WDFY3: variants seen among roughly 807,000 people sequenced by gnomAD.
WDFY3 encodes the protein WD repeat and FYVE domain-containing protein 3.
In WDFY3, 66 loss-of-function variants were observed where a neutral mutation model predicts 409.6. The observed-to-expected ratio is 0.16, with a 90% confidence interval of 0.13 to 0.20. The LOEUF (loss-of-function observed/expected upper bound fraction) is 0.20. Among genes scored for constraint, WDFY3 ranks in the 10% least tolerant of loss-of-function variants. WDFY3 has a pLI of 1.00. For missense variants in WDFY3, 3,031 were observed against 4,298.1 expected, an observed-to-expected ratio of 0.71 and a Z score of 8.24; for synonymous variants, 1,521 against 1,537.1, an observed-to-expected ratio of 0.99 and a Z score of 0.25.
In WDFY3 at chr4:84,676,059, A is replaced by G. The variant is rs115877850; in HGVS notation, c.10457+1140T>C. Among the ~76,000 whole-genome samples, 351 of 152,326 alleles carry G rather than the reference A, an allele frequency of 2.3e-3. 1 individual carries two copies. Among genetic ancestry groups the G allele is most frequent in the African/African-American group, 8.3e-3 (345 of 41,586 alleles). On this transcript the variant is annotated intron_variant, in intron 67 of 67. Coordinates refer to ENST00000295888, the MANE Select transcript of WDFY3 (RefSeq NM_014991.6). The stretch of plus-strand genomic sequence containing the variant: ...CTTAAGGCACAAAAAAGCAAAAATC[A>G]TAGAGTAATACATGTGACTACAACC...
intron 64 of WDFY3, among the ~76,000 whole-genome samples, 182 bp downstream of exon 64, chr4:84,682,192 C>T (rs1202137482): frequency 6.6e-6 from 1 of 152,130 alleles, no homozygotes; most frequent in Non-Finnish European, 1.5e-5. Flanking sequence ...GAATGTTGCC[C>T]AGTGAAGTAG....
At chr4:84,918,735 AAAAT>A (rs2150827679) in intron 2 of WDFY3, among the ~76,000 whole-genome samples, 1 of 151,994 alleles carries the variant, frequency 6.6e-6, no homozygotes, top group Non-Finnish European at 1.5e-5. Flanking sequence ...TTTGAAAAAA[AAAAT>A]ACCCATATTC....
intron 1 of WDFY3, among the ~76,000 whole-genome samples, chr4:84,938,627 A>C (rs1771730360): frequency 6.6e-6 from 1 of 152,210 alleles, no homozygotes; most frequent in South Asian, 2.1e-4. Context: ...AAGTCTAAAA[A>C]TAAAGGGCAG....
chr4:84,780,073 A>G, intron 26 of WDFY3, 35 bp downstream of exon 26: 1 of 1,521,468 alleles, frequency 6.6e-7, no homozygotes, highest in Non-Finnish European at 8.8e-7. Flanking sequence ...TTTAGGTGCC[A>G]GGTGAAGTGA....
chr4:84,694,985 G>A (rs180894383), intron 58 of WDFY3, among the ~76,000 whole-genome samples: 10 of 152,178 alleles, frequency 6.6e-5, no homozygotes, highest in East Asian at 5.8e-4. Context: ...AAGGGAGTCC[G>A]TAGAGACATC....
intron 33 of WDFY3, 141 bp from the exon 34 acceptor site, chr4:84,755,541 T>TAGTA: frequency 3.3e-6 from 3 of 902,896 alleles, no homozygotes; most frequent in Non-Finnish European, 4.8e-6. Flanking sequence ...CATAAAGAAC[T>TAGTA]AGTACCCTTC....
chr4:84,726,786 C>CT, intron 45 of WDFY3, 75 bp downstream of exon 45: 1 of 1,252,246 alleles, frequency 8.0e-7, no homozygotes, highest in Non-Finnish European at 1.1e-6. Context: ...CTACCATGCA[C>CT]TTAAAAAAAA....
At chr4:84,898,196 G>A (rs916635813) in intron 2 of WDFY3, among the ~76,000 whole-genome samples, 10 of 152,164 alleles carry the variant, frequency 6.6e-5, no homozygotes, top group African/African-American at 2.4e-4. Context: ...TACTGTATTA[G>A]ACAGAGCCAA....
At chr4:84,719,151 T>C (rs983144294) in intron 47 of WDFY3, among the ~76,000 whole-genome samples, 14 of 152,216 alleles carry the variant, frequency 9.2e-5, no homozygotes, top group African/African-American at 3.4e-4. Flanking sequence ...GAATTATTGG[T>C]TGCTTTCTGT....
chr4:84,719,197 CT>C (rs1406966059), intron 47 of WDFY3, among the ~76,000 whole-genome samples: 2 of 152,206 alleles, frequency 1.3e-5, no homozygotes, highest in African/African-American at 4.8e-5. Context: ...ATCATACCCC[CT>C]GGAAATGGAA....
intron 2 of WDFY3, among the ~76,000 whole-genome samples, chr4:84,920,748 G>T (rs988946734): frequency 6.6e-6 from 1 of 152,116 alleles, no homozygotes; most frequent in African/African-American, 2.4e-5. Context: ...AGTTAACCTA[G>T]ATTACTCAAT....
chr4:84,944,220 C>T (rs1196351211), intron 1 of WDFY3, among the ~76,000 whole-genome samples: 1 of 152,098 alleles, frequency 6.6e-6, no homozygotes, highest in East Asian at 1.9e-4. Flanking sequence ...AATTATCACT[C>T]CTAACTTTAA....
chr4:84,797,895 C>T lies in WDFY3; in HGVS notation c.2935+101G>A, dbSNP rs1749787062. On this transcript the variant is annotated intron_variant, in intron 18 of 67. Coordinates refer to ENST00000295888, the MANE Select transcript of WDFY3 (RefSeq NM_014991.6). ...CTGTTTCCCTATTTAAATAATAAAC[C>T]CTTCTCTTTCTTTGCTTTCACAAAC... 7.2e-6 allele frequency: 8 copies of T among 1,117,970 alleles called. No individual in the cohort carries two copies. The Admixed American group carries it at 1.4e-4, about 20-fold the overall frequency. 69.3% of individuals were successfully genotyped at this position (1,117,970 alleles called of 1,614,324 possible). A position where few individuals can be genotyped will look rare whatever the true frequency, so the allele number is the denominator to read the frequency against.
chr4:84,872,691 G>A (rs963120746), intron 3 of WDFY3, among the ~76,000 whole-genome samples: 1 of 151,854 alleles, frequency 6.6e-6, no homozygotes, highest in African/African-American at 2.4e-5. Context: ...AATGTCAGAG[G>A]GGATTAAAAA....
At chr4:84,954,539 A>G (rs1291814929) in intron 1 of WDFY3, among the ~76,000 whole-genome samples, 3 of 152,190 alleles carry the variant, frequency 2.0e-5, no homozygotes, top group Non-Finnish European at 4.4e-5. Flanking sequence ...TCTAGGGTGA[A>G]CAGAAAAAAG....
chr4:84,684,254 T>C (rs946566623), intron 62 of WDFY3, 129 bp from the exon 63 acceptor site: 25 of 815,160 alleles, frequency 3.1e-5, no homozygotes, highest in Non-Finnish European at 4.2e-5. Context: ...GCTAATTTCT[T>C]AGGTAACCTG....
At chr4:84,732,954 A>C (rs181004114) in intron 44 of WDFY3, among the ~76,000 whole-genome samples, 213 of 152,334 alleles carry the variant, frequency 1.4e-3, no homozygotes, top group Middle Eastern at 6.8e-3. Context: ...CATGTGTTCT[A>C]ATATACAGTG....
At position 84,671,284 on chromosome 4, in the gene WDFY3, A is replaced by G. The variant is rs1725406423; in HGVS notation, c.*1584T>C. On this transcript the variant is annotated 3_prime_UTR_variant, in exon 68 of 68. Transcript: ENST00000295888. ...CAGGGCCTAAAGATGGAAAATTGGA[A>G]AAGCCAAAGCCGCTGTCCTTTGCAT... The G allele has an allele frequency of 6.6e-6, 1 of 152,588 alleles. No homozygotes were observed. Among genetic ancestry groups the G allele is most frequent in the African/African-American group, 2.4e-5 (1 of 41,428 alleles). 9.5% of individuals were successfully genotyped at this position (152,588 alleles called of 1,614,324 possible). A position where few individuals can be genotyped will look rare whatever the true frequency, so the allele number is the denominator to read the frequency against.
At chr4:84,733,344 G>C in intron 44 of WDFY3, 38 bp downstream of exon 44, 2 of 1,580,334 alleles carry the variant, frequency 1.3e-6, no homozygotes, top group Non-Finnish European at 1.7e-6. Context: ...ATAAAAACTT[G>C]AAAGAGCCAT....
Sources: gnomAD v4.1 joint callset for allele counts (sites outside exome capture counted in the v4.1 genomes callset) on GRCh38, gnomAD v4.1.1 for gene constraint, MANE v1.5 for transcripts, NCBI Gene and HGNC (gene_info 2026-07-23, HGNC 2026-07-21) for gene names.